The following HPSE variants were observed in gnomAD, a reference collection of about 807,000 sequenced individuals.
HPSE encodes the protein endo-glucoronidase.
HPSE carries 48 observed loss-of-function variants against 65.1 expected under a neutral mutation model. That is an observed-to-expected ratio of 0.74 (90% CI 0.58 to 0.94). The LOEUF (loss-of-function observed/expected upper bound fraction) is 0.94, where lower values mean the gene tolerates loss of function less well. Ranked by LOEUF, HPSE falls within the 40% of genes least tolerant of loss-of-function variation. The pLI, the probability that HPSE is intolerant of heterozygous loss-of-function variation, is 0.00. For synonymous variants in HPSE, 243 were observed against 260.0 expected (o/e 0.93, Z 0.63); for missense variants, 644 against 637.5 (o/e 1.01, Z -0.11).
intron 1 of HPSE, among the ~76,000 whole-genome samples, chr4:83,329,070 A>G (rs1737262748): frequency 6.6e-6 from 1 of 152,172 alleles, no homozygotes; most frequent in African/African-American, 2.4e-5. Context: ...TTTAAAAAGT[A>G]GAGAATGTGA....
rs547169868 is a variant in HPSE, at chr4:83,322,101, G to A, written c.373+118C>T. Reference sequence around the variant, plus strand: ...TCAGATTCCTCCACAGGTCAGATGAGGGGAGAGGAAGTTAATCTCATTAAT... The same window carrying A: ...TCAGATTCCTCCACAGGTCAGATGAAGGGAGAGGAAGTTAATCTCATTAAT... On this transcript the variant is annotated intron_variant, in intron 2 of 11. Coordinates refer to ENST00000311412, the MANE Select transcript of HPSE (RefSeq NM_001098540.3). The A allele has an allele frequency of 5.2e-5, 38 of 735,270 alleles. No homozygotes were observed. The African/African-American group carries it at 6.1e-4, about 12-fold the overall frequency. 45.5% of individuals were successfully genotyped at this position (735,270 alleles called of 1,614,324 possible).
chr4:83,323,860 A>G (rs1737024522), intron 1 of HPSE, among the ~76,000 whole-genome samples: 1 of 152,196 alleles, frequency 6.6e-6, no homozygotes, highest in Admixed American at 6.5e-5. Context: ...CCTCAAAAAG[A>G]TGAGGATGTT....
intron 8 of HPSE, among the ~76,000 whole-genome samples, chr4:83,306,788 A>G (rs1736161302): frequency 6.6e-6 from 1 of 152,208 alleles, no homozygotes; most frequent in African/African-American, 2.4e-5. Flanking sequence ...CCTTTGCAGG[A>G]CTAACAAATT....
At chr4:83,328,429 T>C (rs964960806) in intron 1 of HPSE, among the ~76,000 whole-genome samples, 99 of 152,300 alleles carry the variant, frequency 6.5e-4, no homozygotes, top group Non-Finnish European at 5.9e-5. Context: ...CACATTCCAG[T>C]ATGACCTCAT....
intron 1 of HPSE, among the ~76,000 whole-genome samples, chr4:83,333,588 G>A (rs1477498256): frequency 6.6e-6 from 1 of 152,186 alleles, no homozygotes; most frequent in Non-Finnish European, 1.5e-5. Flanking sequence ...TAGAAGACCT[G>A]GGATTGTCCC....
rs1735637817 is a variant in HPSE at position 83,293,994 on chromosome 4, GC to G, written c.*1349del. 6.6e-6 allele frequency: 1 copy of G among 152,188 alleles called. No individual in the cohort carries two copies. Among genetic ancestry groups the G allele is most frequent in the East Asian group, 1.9e-4 (1 of 5,194 alleles). 9.4% of individuals were successfully genotyped at this position (152,188 alleles called of 1,614,324 possible). A position where few individuals can be genotyped will look rare whatever the true frequency, so the allele number is the denominator to read the frequency against. On this transcript the variant is annotated 3_prime_UTR_variant, in exon 12 of 12. Transcript: ENST00000311412. ...TTTTGAAAGATAAATATACAGCTAA[GC>G]ACCTTCTTAAAACTCATAATATATC...
At chr4:83,296,531 C>T (rs541614963) in intron 11 of HPSE, among the ~76,000 whole-genome samples, 4 of 151,982 alleles carry the variant, frequency 2.6e-5, no homozygotes, top group South Asian at 2.1e-4. Context: ...AAAAATTAGC[C>T]GGGCATGGTG....
chr4:83,318,697 T>G (rs1736753192), intron 3 of HPSE, among the ~76,000 whole-genome samples: 1 of 129,058 alleles, frequency 7.7e-6, no homozygotes, highest in Non-Finnish European at 1.6e-5. Context: ...GCGACAAGAG[T>G]GAGATTCCAT....
rs1366957221 is a variant in HPSE, at chr4:83,322,277, A to G, written c.315T>C (p.Asp105=). 4 of 1,613,962 alleles carry G rather than the reference A, an allele frequency of 2.5e-6. No individual in the cohort carries two copies. Among genetic ancestry groups the G allele is most frequent in the Non-Finnish European group, 2.5e-6 (3 of 1,179,884 alleles). ...CTTCAAAGGTTGATTCCTTCTTGGG[A>G]TCGAAAATTAGGAAGTCTGTCTTGG... ...GGTKTDFLIF[D]PKKESTFEER... Residue 105 remains aspartate (D), a synonymous_variant, in exon 2 of 12, where the codon GAT becomes GAC. Transcript: ENST00000311412.
intron 3 of HPSE, among the ~76,000 whole-genome samples, chr4:83,315,501 T>C (rs542783004): frequency 6.6e-6 from 1 of 152,326 alleles, no homozygotes; most frequent in East Asian, 1.9e-4. Context: ...GCAGTACCAT[T>C]ACTAGAGTCT....
chr4:83,310,197 A>T, intron 5 of HPSE, 119 bp from the exon 6 acceptor site: 1 of 633,872 alleles, frequency 1.6e-6, no homozygotes, highest in Non-Finnish European at 2.8e-6. Context: ...GGTAAACACA[A>T]ACTTCCTAAT....
rs759931104 is a variant in HPSE, at chr4:83,306,296, C to A, written c.1113G>T (p.Leu371=). 36 of 1,611,716 alleles carry A rather than the reference C, an allele frequency of 2.2e-5. 1 individual carries two copies. The South Asian group carries it at 3.6e-4, about 16-fold the overall frequency. Residue 371 remains leucine, a synonymous_variant, in exon 9 of 12, where the codon CTG becomes CTT. Transcript: ENST00000311412. ...AGFMWLDKLG[L]SARMGIEVVM... ...CCACTTCTATTCCCATTCGGGCTGA[C>A]AGGCCCAATTTATCCAGCCACCTGG...
Position 83,310,730 on chromosome 4 carries a change from C to G in HPSE, c.834G>C (p.Met278Ile). 6.2e-7 allele frequency: 1 copy of G among 1,610,858 alleles called. No individual in the cohort carries two copies. Among genetic ancestry groups the G allele is most frequent in the Non-Finnish European group, 8.5e-7 (1 of 1,178,930 alleles). The change falls in exon 5 of 12, where the codon ATG becomes ATC. Residue 278 changes from methionine (M) to isoleucine (I), a missense_variant. By Grantham distance (10) the Met-to-Ile change is conservative. Transcript: ENST00000311412. Reference protein sequence around the residue: ...VGQPRRKTAKMLKSFLKAGGE... With the variant: ...VGQPRRKTAKILKSFLKAGGE... ...CATCCTCTAGTTCCTACCTCTTCAG[C>G]ATCTTAGCCGTCTTTCTTCGAGGCT...
chr4:83,319,207 GA>G, intron 3 of HPSE, 136 bp downstream of exon 3: 1 of 863,784 alleles, frequency 1.2e-6, no homozygotes, highest in South Asian at 1.9e-5. Context: ...TTGAGTTTAG[GA>G]TTTCCCATTT....
intron 1 of HPSE, among the ~76,000 whole-genome samples, chr4:83,330,666 A>G (rs1286096705): frequency 6.6e-6 from 1 of 152,242 alleles, no homozygotes; most frequent in East Asian, 1.9e-4. Flanking sequence ...AAAATGGATG[A>G]ACTTTGCTGA....
chr4:83,325,595 T>C (rs1365662162), intron 1 of HPSE, among the ~76,000 whole-genome samples: 10 of 152,228 alleles, frequency 6.6e-5, no homozygotes, highest in African/African-American at 2.4e-4. Context: ...TGGAGATGAA[T>C]GGTGAACCAG....
At chr4:83,296,630 G>T (rs1402209893) in intron 11 of HPSE, among the ~76,000 whole-genome samples, 1 of 149,852 alleles carries the variant, frequency 6.7e-6, no homozygotes, top group Non-Finnish European at 1.5e-5. Context: ...AGCCGAGATT[G>T]CACCACTGCA....
At chr4:83,295,826 A>G (rs1578000089) in intron 11 of HPSE, among the ~76,000 whole-genome samples, 1 of 152,210 alleles carries the variant, frequency 6.6e-6, no homozygotes, top group East Asian at 1.9e-4. Context: ...GATAAACATG[A>G]CACAACTTCT....
intron 3 of HPSE, among the ~76,000 whole-genome samples, chr4:83,316,757 G>A (rs1736661103): frequency 6.6e-6 from 1 of 152,178 alleles, no homozygotes; most frequent in Non-Finnish European, 1.5e-5. Context: ...GGTTTAAAAT[G>A]TGAGTCTATA....
Sources: gnomAD v4.1 joint callset for allele counts (sites outside exome capture counted in the v4.1 genomes callset) on GRCh38, gnomAD v4.1.1 for gene constraint, MANE v1.5 for transcripts, NCBI Gene and HGNC (gene_info 2026-07-23, HGNC 2026-07-21) for gene names.